ESR2: variants seen among roughly 807,000 people sequenced by gnomAD.
ESR2 encodes estrogen receptor beta.
A neutral mutation model predicts 49.6 loss-of-function variants in ESR2; 36 were observed. That is an observed-to-expected ratio of 0.73 (90% CI 0.56 to 0.96). ESR2 has a LOEUF of 0.96. Among genes scored for constraint, ESR2 ranks in the 40% least tolerant of loss-of-function variants. The probability of loss-of-function intolerance (pLI) is 0.00; values close to 1 mark genes in which losing one functional copy is unlikely to be tolerated. For missense variants in ESR2, 714 were observed against 693.0 expected (o/e 1.03, Z -0.34); for synonymous variants, 320 against 266.1 (o/e 1.20, Z -1.97).
chr14:64,226,782 C>T (rs1020683771), downstream of ESR2: 4 of 150,592 alleles, frequency 2.7e-5, no homozygotes, highest in Non-Finnish European at 4.4e-5. Flanking sequence ...CCTTTGCCTT[C>T]CAGGTTCAAG....
chr14:64,271,326 C>T (rs372531969), intron 3 of ESR2, among the ~76,000 whole-genome samples: 856 of 51,860 alleles, frequency 0.017, 12 homozygotes, highest in African/African-American at 0.069. Context: ...CAATTGTTTT[C>T]TTTCTTTTTC....
chr14:64,246,750 A>AC, intron 7 of ESR2, among the ~76,000 whole-genome samples: 1 of 144,282 alleles, frequency 6.9e-6, no homozygotes, highest in Non-Finnish European at 1.5e-5. Flanking sequence ...AAAAAAAAAA[A>AC]AAAAAAAAAA....
intron 5 of ESR2, among the ~76,000 whole-genome samples, chr14:64,257,805 G>A (rs1018437239): frequency 6.6e-6 from 1 of 152,160 alleles, no homozygotes; most frequent in Non-Finnish European, 1.5e-5. Context: ...CTTGCAGAGA[G>A]CAGTGCCAGC....
intron 4 of ESR2, among the ~76,000 whole-genome samples, chr14:64,264,827 T>A (rs898831986): frequency 1.3e-5 from 2 of 148,480 alleles, no homozygotes; most frequent in African/African-American, 5.0e-5. Context: ...TAAGCCAAGA[T>A]TGCACCACTG....
At chr14:64,274,374 GGTTTTCCAAATTATTATCATATA>G (rs2076514199) in intron 3 of ESR2, among the ~76,000 whole-genome samples, 1 of 151,844 alleles carries the variant, frequency 6.6e-6, no homozygotes, top group Non-Finnish European at 1.5e-5. Context: ...ATTTCTTCTA[GGTTTTCCAAATTATTATCATATA>G]GTTGCTTATA....
chr14:64,239,918 G>C (rs144877737), intron 7 of ESR2, among the ~76,000 whole-genome samples: 2 of 152,282 alleles, frequency 1.3e-5, no homozygotes, highest in Non-Finnish European at 2.9e-5. Flanking sequence ...CCATGGATCA[G>C]ACCTTTGATT....
intron 1 of ESR2, among the ~76,000 whole-genome samples, chr14:64,318,065 G>T (rs920483720): frequency 1.3e-5 from 2 of 152,048 alleles, no homozygotes; most frequent in African/African-American, 4.8e-5. Context: ...AACTGTTTTT[G>T]TTCACAGATT....
chr14:64,281,477 A>G (rs1345384531), intron 2 of ESR2, among the ~76,000 whole-genome samples: 1 of 152,200 alleles, frequency 6.6e-6, no homozygotes, highest in Non-Finnish European at 1.5e-5. Context: ...TTACTTTAAA[A>G]AAGTTATCCA....
chr14:64,275,909 C>T (rs964663738), intron 3 of ESR2, among the ~76,000 whole-genome samples: 1 of 151,868 alleles, frequency 6.6e-6, no homozygotes, highest in Non-Finnish European at 1.5e-5. Context: ...AAAATTGGCT[C>T]CCATATTTTA....
At chr14:64,307,846 A>C (rs868603901) in intron 1 of ESR2, among the ~76,000 whole-genome samples, 10 of 151,786 alleles carry the variant, frequency 6.6e-5, no homozygotes, top group African/African-American at 2.4e-4. Context: ...GGGATTTATT[A>C]ATTTTATTGA....
At chr14:64,241,244 A>G (rs1268275375) in intron 7 of ESR2, among the ~76,000 whole-genome samples, 1 of 152,116 alleles carries the variant, frequency 6.6e-6, no homozygotes, top group Non-Finnish European at 1.5e-5. Flanking sequence ...AATATTTTCA[A>G]CTTAAGATGG....
intron 3 of ESR2, among the ~76,000 whole-genome samples, chr14:64,269,621 G>A (rs1033001421): frequency 6.6e-6 from 1 of 152,084 alleles, no homozygotes; most frequent in African/African-American, 2.4e-5. Flanking sequence ...GGTAGCCACT[G>A]GTCCAAGAAG....
At chr14:64,306,264 A>C (rs1404560243) in intron 1 of ESR2, among the ~76,000 whole-genome samples, 1 of 152,104 alleles carries the variant, frequency 6.6e-6, no homozygotes, top group Non-Finnish European at 1.5e-5. Context: ...TGCAAGAAAC[A>C]CCTGCATTTT....
chr14:64,249,575 C>T lies in ESR2; in HGVS notation c.1196G>A (p.Cys399Tyr). 1.2e-6 allele frequency: 2 copies of T among 1,613,974 alleles called. No homozygotes were observed. Among genetic ancestry groups the T allele is most frequent in the Non-Finnish European group, 1.7e-6 (2 of 1,179,954 alleles). ...ELKLQHKEYL[C>Y]VKAMILLNSS... ...ATTGAGCAGGATCATGGCCTTGACACAGAGATATTCTTTGTGTTGGAGTTT... is the reference window on the plus strand; with the variant it reads ...ATTGAGCAGGATCATGGCCTTGACATAGAGATATTCTTTGTGTTGGAGTTT... The change falls in exon 7 of 9, where the codon TGT becomes TAT. Residue 399 changes from cysteine to tyrosine, a missense_variant. Physicochemically the swap from Cys to Tyr is radical, Grantham distance 194 (BLOSUM62 -2). Transcript: ENST00000341099.
At chr14:64,242,136 G>A (rs996303643) in intron 7 of ESR2, among the ~76,000 whole-genome samples, 7 of 152,124 alleles carry the variant, frequency 4.6e-5, no homozygotes, top group African/African-American at 1.4e-4. Flanking sequence ...ATGGCTAGGT[G>A]CAGTGGCTCA....
chr14:64,238,781 G>T (rs1049723032), intron 7 of ESR2, among the ~76,000 whole-genome samples: 1 of 150,546 alleles, frequency 6.6e-6, no homozygotes, highest in Non-Finnish European at 1.5e-5. Flanking sequence ...AAAAAACCAA[G>T]ATCTTGGCAC....
chr14:64,227,440 T>C (rs28440970), downstream of ESR2: 105,705 of 1,422,620 alleles, frequency 0.074, 4,545 homozygotes, highest in Non-Finnish European at 0.084. Context: ...TCTTTAAAAT[T>C]ATTTTTTTCA....
intron 7 of ESR2, among the ~76,000 whole-genome samples, chr14:64,240,511 C>T (rs2075698264): frequency 6.6e-6 from 1 of 152,140 alleles, no homozygotes; most frequent in Non-Finnish European, 1.5e-5. Context: ...TTTTGTTTTG[C>T]TTTCATTACA....
chr14:64,270,052 A>G (rs973786313), intron 3 of ESR2, among the ~76,000 whole-genome samples: 1 of 152,188 alleles, frequency 6.6e-6, no homozygotes, highest in Non-Finnish European at 1.5e-5. Context: ...ATGAGAAGCA[A>G]AAGTGAAAGT....
Sources: allele counts gnomAD v4.1 joint callset (sites outside exome capture counted in the v4.1 genomes callset), GRCh38; gene constraint gnomAD v4.1.1; transcripts MANE v1.5; gene names NCBI Gene and HGNC (gene_info 2026-07-23, HGNC 2026-07-21).